Variants in CSMD1 observed in about 807,000 individuals in gnomAD.
CSMD1 encodes CUB and Sushi multiple domains 1.
In CSMD1, 213 loss-of-function variants were observed where a neutral mutation model predicts 417.5. The ratio of observed to expected loss-of-function variants is 0.51; its 90% CI spans 0.46 to 0.57. The LOEUF (loss-of-function observed/expected upper bound fraction) is 0.57. Among genes scored for constraint, CSMD1 ranks in the 20% least tolerant of loss-of-function variants. The pLI, the probability that CSMD1 is intolerant of heterozygous loss-of-function variation, is 0.00. For missense variants in CSMD1, 6,923 were observed against 4,529.7 expected (o/e 1.53, Z -15.17); for synonymous variants, 2,862 against 1,736.8 (o/e 1.65, Z -16.11).
At chr8:3,238,526 A>G (rs1481836063) in intron 26 of CSMD1, among the ~76,000 whole-genome samples, 1 of 152,050 alleles carries the variant, frequency 6.6e-6, no homozygotes, top group Non-Finnish European at 1.5e-5. Context: ...GGCTGCTTGG[A>G]GCGAGACTAC....
At chr8:4,552,167 T>G (rs1445538096) in intron 2 of CSMD1, among the ~76,000 whole-genome samples, 1 of 152,198 alleles carries the variant, frequency 6.6e-6, no homozygotes, top group Non-Finnish European at 1.5e-5. Flanking sequence ...AAACATCATT[T>G]GTTTTTTAAT....
chr8:3,373,990 T>C (rs928403550), intron 18 of CSMD1, among the ~76,000 whole-genome samples: 1 of 151,520 alleles, frequency 6.6e-6, no homozygotes, highest in African/African-American at 2.4e-5. Flanking sequence ...ACTTGCTTCT[T>C]TGCCCAGGCT....
At chr8:4,360,836 C>G (rs1801715934) in intron 3 of CSMD1, among the ~76,000 whole-genome samples, 1 of 151,934 alleles carries the variant, frequency 6.6e-6, no homozygotes, top group South Asian at 2.1e-4. Context: ...CAATTAATCA[C>G]GGAGCTTCTG....
At position 3,485,474 on chromosome 8, in the gene CSMD1, G is replaced by A. The variant is rs557933953; in HGVS notation, c.1448+8149C>T. On this transcript the variant is annotated intron_variant, in intron 11 of 69. Coordinates refer to ENST00000635120, the MANE Select transcript of CSMD1 (RefSeq NM_033225.6). ...TTAGAAATTACCTGTCTTGACTGTGGCGGATACAGGAACTTAAACAGGTAG... is the reference window on the plus strand; with the variant it reads ...TTAGAAATTACCTGTCTTGACTGTGACGGATACAGGAACTTAAACAGGTAG... Among the ~76,000 whole-genome samples, 31 of 150,936 alleles carry A rather than the reference G, an allele frequency of 2.1e-4. 1 individual carries two copies. The South Asian group carries it at 3.8e-3, about 18-fold the overall frequency.
intron 1 of CSMD1, among the ~76,000 whole-genome samples, chr8:4,719,455 C>G (rs140982218): frequency 2.0e-5 from 3 of 151,988 alleles, no homozygotes; most frequent in Non-Finnish European, 4.4e-5. Flanking sequence ...TTGCTGCTTC[C>G]TTTCTTCCAG....
intron 2 of CSMD1, among the ~76,000 whole-genome samples, chr8:4,527,393 T>C (rs1796571866): frequency 6.6e-6 from 1 of 152,246 alleles, no homozygotes; most frequent in African/African-American, 2.4e-5. Flanking sequence ...ACGGTCATTT[T>C]ATACCTTTTT....
intron 1 of CSMD1, among the ~76,000 whole-genome samples, chr8:4,745,372 C>T (rs1045030798): frequency 6.6e-6 from 1 of 152,132 alleles, no homozygotes; most frequent in East Asian, 1.9e-4. Context: ...GATTTAGTAA[C>T]AGCACCTAAG....
intron 2 of CSMD1, among the ~76,000 whole-genome samples, chr8:4,622,398 T>C (rs941992594): frequency 4.6e-5 from 7 of 152,192 alleles, no homozygotes; most frequent in African/African-American, 1.7e-4. Context: ...TGGGACCTTC[T>C]GGCGAGCTAC....
chr8:3,031,865 CT>C (rs67843753), intron 50 of CSMD1, among the ~76,000 whole-genome samples: 46,819 of 141,224 alleles, frequency 0.33, 7,554 homozygotes, highest in African/African-American at 0.41. Flanking sequence ...TCACATCTCT[CT>C]TTTTTTTTTT....
chr8:4,100,770 C>T (rs774725692), intron 3 of CSMD1, among the ~76,000 whole-genome samples: 7 of 151,894 alleles, frequency 4.6e-5, no homozygotes, highest in Non-Finnish European at 7.4e-5. Flanking sequence ...ATGAAGTCAT[C>T]GATCTTACCT....
chr8:2,973,074 G>A (rs1283015077), intron 57 of CSMD1, 43 bp downstream of exon 57: 2 of 1,589,538 alleles, frequency 1.3e-6, no homozygotes, highest in East Asian at 2.2e-5. Flanking sequence ...GAGCTGTGTG[G>A]TTTTAACTTT....
intron 1 of CSMD1, among the ~76,000 whole-genome samples, chr8:4,935,105 C>T (rs56321646): frequency 0.25 from 38,731 of 152,164 alleles, 6,014 homozygotes; most frequent in Non-Finnish European, 0.36. Context: ...AGGATTCTGC[C>T]TTCATTCCTT....
chr8:4,219,716 T>C (rs966831184), intron 3 of CSMD1, among the ~76,000 whole-genome samples: 1 of 152,216 alleles, frequency 6.6e-6, no homozygotes, highest in African/African-American at 2.4e-5. Flanking sequence ...TTTTGGGGAC[T>C]GTCTTCACAA....
chr8:4,197,852 C>T (rs770401051), intron 3 of CSMD1, among the ~76,000 whole-genome samples: 1 of 152,158 alleles, frequency 6.6e-6, no homozygotes, highest in Non-Finnish European at 1.5e-5. Flanking sequence ...ACACTCCAGC[C>T]TGGGCAACAG....
At chr8:4,583,915 T>A (rs1799572498) in intron 2 of CSMD1, among the ~76,000 whole-genome samples, 1 of 152,068 alleles carries the variant, frequency 6.6e-6, no homozygotes, top group South Asian at 2.1e-4. Flanking sequence ...GGGTCCACAC[T>A]GCTTTTATGA....
At chr8:4,052,806 C>CT (rs1563060165) in intron 3 of CSMD1, among the ~76,000 whole-genome samples, 2 of 152,134 alleles carry the variant, frequency 1.3e-5, no homozygotes, top group African/African-American at 4.8e-5. Flanking sequence ...TCCAGATACT[C>CT]TAACTGTGCA....
intron 3 of CSMD1, among the ~76,000 whole-genome samples, chr8:4,209,382 G>A (rs1025433442): frequency 6.6e-6 from 1 of 152,114 alleles, no homozygotes; most frequent in African/African-American, 2.4e-5. Context: ...CCATCCTTCT[G>A]ATGCCGAAGA....
intron 8 of CSMD1, among the ~76,000 whole-genome samples, chr8:3,606,418 G>C (rs944539757): frequency 6.6e-6 from 1 of 152,150 alleles, no homozygotes; most frequent in South Asian, 2.1e-4. Flanking sequence ...ACAATGGTAA[G>C]TGTTCGTATA....
At chr8:3,824,658 A>T (rs542944696) in intron 5 of CSMD1, among the ~76,000 whole-genome samples, 2 of 152,304 alleles carry the variant, frequency 1.3e-5, no homozygotes, top group East Asian at 1.9e-4. Context: ...AGCATTTGTT[A>T]TATATTGAGT....
Sources: allele counts gnomAD v4.1 joint callset (sites outside exome capture counted in the v4.1 genomes callset), GRCh38; gene constraint gnomAD v4.1.1; transcripts MANE v1.5; gene names NCBI Gene and HGNC (gene_info 2026-07-23, HGNC 2026-07-21).